Variants in SLC10A7 observed in about 807,000 individuals in gnomAD.
SLC10A7 encodes the protein solute carrier family 10 member 7.
A neutral mutation model predicts 43.2 loss-of-function variants in SLC10A7; 29 were observed. The observed-to-expected ratio is 0.67, with a 90% CI of 0.50 to 0.92. The LOEUF (loss-of-function observed/expected upper bound fraction) is 0.92, where lower values mean the gene tolerates loss of function less well. SLC10A7 is among the 40% of genes least tolerant of loss of function. SLC10A7 has a pLI of 0.00. For missense variants in SLC10A7, 295 were observed against 403.2 expected, an observed-to-expected ratio of 0.73 and a Z score of 2.30; for synonymous variants, 152 against 144.8, an observed-to-expected ratio of 1.05 and a Z score of -0.35.
At chr4:146,430,396 G>A (rs1729689944) in intron 5 of SLC10A7, among the ~76,000 whole-genome samples, 1 of 152,008 alleles carries the variant, frequency 6.6e-6, no homozygotes, top group South Asian at 2.1e-4. Context: ...TCATTGCCCT[G>A]GCTCTTGGAA....
chr4:146,407,771 G>A (rs1210092709), intron 5 of SLC10A7, among the ~76,000 whole-genome samples: 2 of 152,092 alleles, frequency 1.3e-5, no homozygotes, highest in Non-Finnish European at 2.9e-5. Context: ...ATGACTCACT[G>A]TTAGTCTAGT....
At chr4:146,371,973 G>A (rs768428125) in intron 5 of SLC10A7, among the ~76,000 whole-genome samples, 7 of 151,964 alleles carry the variant, frequency 4.6e-5, no homozygotes, top group Admixed American at 6.6e-5. Flanking sequence ...TTAGTATCCC[G>A]GAAGCAATGT....
intron 2 of SLC10A7, among the ~76,000 whole-genome samples, chr4:146,516,222 G>A (rs571731398): frequency 1.3e-5 from 2 of 151,546 alleles, no homozygotes; most frequent in Non-Finnish European, 2.9e-5. Flanking sequence ...AGACCAAATG[G>A]GTATTTTCTC....
chr4:146,259,185 T>A (rs1728065918), intron 10 of SLC10A7, among the ~76,000 whole-genome samples: 1 of 152,208 alleles, frequency 6.6e-6, no homozygotes, highest in Admixed American at 6.5e-5. Context: ...ATGCTAAAAA[T>A]GGATCTCTTC....
chr4:146,350,389 G>T (rs1443297305), intron 5 of SLC10A7, among the ~76,000 whole-genome samples: 1 of 90,868 alleles, frequency 1.1e-5, no homozygotes, highest in African/African-American at 4.2e-5. Context: ...CTACGCCCAC[G>T]GAATCTCGCT....
At chr4:146,442,485 T>G (rs1730681713) in intron 5 of SLC10A7, 1 of 1,134,800 alleles carries the variant, frequency 8.8e-7, no homozygotes, top group Non-Finnish European at 1.1e-6. Context: ...CTAAAAGACC[T>G]CATTAAATGA....
intron 8 of SLC10A7, 25 bp from the exon 9 acceptor site, chr4:146,293,005 A>G (rs1183794938): frequency 4.8e-6 from 7 of 1,451,144 alleles, no homozygotes; most frequent in Non-Finnish European, 6.7e-6. Flanking sequence ...ATTGAATCTA[A>G]ATTAGCACTC....
chr4:146,338,373 C>T (rs1433453169), intron 5 of SLC10A7, among the ~76,000 whole-genome samples: 3 of 151,914 alleles, frequency 2.0e-5, no homozygotes, highest in Non-Finnish European at 4.4e-5. Flanking sequence ...CTACAATTCT[C>T]ATTTTACAGA....
At chr4:146,280,922 C>A (rs368724491) in intron 10 of SLC10A7, among the ~76,000 whole-genome samples, 1 of 152,020 alleles carries the variant, frequency 6.6e-6, no homozygotes, top group South Asian at 2.1e-4. Context: ...AGTGGAAGAG[C>A]CAGGATGAGT....
At chr4:146,496,642 C>A (rs1050278871) in intron 4 of SLC10A7, among the ~76,000 whole-genome samples, 2 of 152,128 alleles carry the variant, frequency 1.3e-5, no homozygotes, top group African/African-American at 4.8e-5. Flanking sequence ...TTAGAGCATA[C>A]CCCTTTTTTT....
At position 146,256,399 on chromosome 4, in the gene SLC10A7, T is replaced by C; in HGVS notation, c.*92A>G. 1.6e-6 allele frequency: 2 copies of C among 1,231,142 alleles called. No homozygotes were observed. The allele number at this position is 1,231,142 out of a possible 1,614,324, so 76.3% of individuals were successfully genotyped here. On this transcript the variant is annotated 3_prime_UTR_variant, in exon 12 of 12. Transcript: ENST00000335472. The stretch of plus-strand genomic sequence containing the variant: ...TTGTGTAAAAAAATAAAATATGCAT[T>C]GAGGCAACATTCACAAGTACAAGTC...
chr4:146,519,336 T>C (rs1738400434), intron 1 of SLC10A7, among the ~76,000 whole-genome samples: 1 of 145,170 alleles, frequency 6.9e-6, no homozygotes, highest in African/African-American at 2.5e-5. Context: ...ACATAATATA[T>C]AATATTATCT....
intron 10 of SLC10A7, among the ~76,000 whole-genome samples, chr4:146,262,784 GTCTC>G (rs1046215170): frequency 1.6e-4 from 25 of 152,278 alleles, no homozygotes; most frequent in African/African-American, 5.8e-4. Flanking sequence ...TCTCGAACCA[GTCTC>G]TCTGCCTTCA....
intron 9 of SLC10A7, among the ~76,000 whole-genome samples, chr4:146,289,409 T>C (rs913233450): frequency 2.0e-5 from 3 of 152,212 alleles, no homozygotes; most frequent in Non-Finnish European, 4.4e-5. Context: ...TTTGCCACTC[T>C]AATGACAATA....
intron 10 of SLC10A7, among the ~76,000 whole-genome samples, chr4:146,271,096 C>T (rs752378366): frequency 2.6e-5 from 4 of 152,132 alleles, no homozygotes; most frequent in Non-Finnish European, 5.9e-5. Flanking sequence ...GTTCTCAGTC[C>T]GTGGAGCTCT....
intron 9 of SLC10A7, among the ~76,000 whole-genome samples, chr4:146,287,206 G>A (rs1035830686): frequency 3.4e-4 from 51 of 152,096 alleles, no homozygotes; most frequent in African/African-American, 1.2e-3. Context: ...GACTGAGTTT[G>A]GACTGGTGAG....
At chr4:146,373,532 C>T (rs1736946190) in intron 5 of SLC10A7, among the ~76,000 whole-genome samples, 1 of 150,416 alleles carries the variant, frequency 6.6e-6, no homozygotes, top group South Asian at 2.1e-4. Context: ...AATTCAAGGG[C>T]TGGCAATGTA....
chr4:146,395,566 G>A (rs1247224579), intron 5 of SLC10A7, among the ~76,000 whole-genome samples: 1 of 152,152 alleles, frequency 6.6e-6, no homozygotes, highest in Non-Finnish European at 1.5e-5. Context: ...CTAATAGATA[G>A]AACAATTTAC....
intron 11 of SLC10A7, chr4:146,256,791 A>G (rs1431425193): frequency 6.9e-7 from 1 of 1,447,334 alleles, no homozygotes; most frequent in Admixed American, 2.0e-5. Context: ...CTCAATCAGT[A>G]CTGTGTGCAA....
Sources: gnomAD v4.1 joint callset for allele counts (sites outside exome capture counted in the v4.1 genomes callset) on GRCh38, gnomAD v4.1.1 for gene constraint, MANE v1.5 for transcripts, NCBI Gene and HGNC (gene_info 2026-07-23, HGNC 2026-07-21) for gene names.